GDPD1: variants seen among roughly 807,000 people sequenced by gnomAD.
The protein encoded by GDPD1 is glycerophosphodiester phosphodiesterase domain containing 1, also known as lysophospholipase D GDPD1.
In GDPD1, 28 loss-of-function variants were observed where a neutral mutation model predicts 45.1. The ratio of observed to expected loss-of-function variants is 0.62; its 90% CI spans 0.46 to 0.85. The LOEUF (loss-of-function observed/expected upper bound fraction) is 0.85, where lower values mean the gene tolerates loss of function less well. Ranked by LOEUF, GDPD1 falls within the 40% of genes least tolerant of loss-of-function variation. GDPD1 has a pLI of 0.00. For synonymous variants in GDPD1, 139 were observed against 131.4 expected (o/e 1.06, Z -0.40); for missense variants, 256 against 364.8 (o/e 0.70, Z 2.43).
At position 59,271,618 on chromosome 17, in the gene GDPD1, A is replaced by AT. The variant is rs886125503; in HGVS notation, c.770+627dup. ...ACGCCTTTTCTTCTTATTTTATTTT[A>AT]TTTTATTTTATTTTATTTTATTTAT... is the stretch of plus-strand genomic sequence containing the variant. On this transcript the variant is annotated intron_variant, in intron 8 of 9. Coordinates refer to ENST00000284116, the MANE Select transcript of GDPD1 (RefSeq NM_182569.4). Among the ~76,000 whole-genome samples, 102 of 150,360 alleles carry AT rather than the reference A, an allele frequency of 6.8e-4. 2 individuals are homozygous for AT. In the East Asian group the frequency reaches 0.019, roughly 28 times the overall value.
Position 59,234,503 on chromosome 17 carries a change from A to G in GDPD1, c.154A>G (p.Asn52Asp), listed in dbSNP as rs2047116820. Reference protein sequence around the residue: ...HISHRGGAGENLENTMAAFQH... With the variant: ...HISHRGGAGEDLENTMAAFQH... ...TTAAATTTTCACAGGTGCTGGAGAA[A>G]ATTTGGAGAATACAATGGCAGCCTT... is the stretch of plus-strand genomic sequence containing the variant. The change falls in exon 2 of 10, where the codon AAT (asparagine) becomes GAT (aspartate). Residue 52 changes from asparagine (N) to aspartate (D), a missense_variant. Coordinates refer to ENST00000284116, the MANE Select transcript of GDPD1 (RefSeq NM_182569.4). 6.3e-7 allele frequency: 1 copy of G among 1,600,000 alleles called. No individual in the cohort carries two copies. The highest frequency in any genetic ancestry group is 8.6e-7 in the Non-Finnish European group (1 of 1,168,598).
rs967015127 is a variant in GDPD1 at position 59,273,926 on chromosome 17, T to C, written c.*153T>C. 9.3e-6 allele frequency: 8 copies of C among 857,206 alleles called. No individual in the cohort carries two copies. Among genetic ancestry groups the C allele is most frequent in the Non-Finnish European group, 1.2e-5 (8 of 685,728 alleles). The allele number at this position is 857,206 out of a possible 1,614,324, so 53.1% of individuals were successfully genotyped here. Reference sequence around the variant, plus strand: ...AGCCTGTATGAGAATGTAGAAACTATATATTATATGTATATTTATTTTAAA... The same window carrying C: ...AGCCTGTATGAGAATGTAGAAACTACATATTATATGTATATTTATTTTAAA... On this transcript the variant is annotated 3_prime_UTR_variant, in exon 10 of 10. Coordinates refer to ENST00000284116, the MANE Select transcript of GDPD1 (RefSeq NM_182569.4).
chr17:59,238,745 C>T (rs2047154007), intron 2 of GDPD1, among the ~76,000 whole-genome samples: 1 of 152,118 alleles, frequency 6.6e-6, no homozygotes, highest in South Asian at 2.1e-4. Context: ...GGAATCTTTT[C>T]TTACTGATTT....
chr17:59,220,895 A>T, intron 1 of GDPD1, 144 bp downstream of exon 1: 1 of 949,290 alleles, frequency 1.1e-6, no homozygotes, highest in South Asian at 1.6e-5. Flanking sequence ...CCGGAGGTGA[A>T]GGCTGTGTGA....
intron 4 of GDPD1, among the ~76,000 whole-genome samples, chr17:59,255,757 AAAAAAAT>A (rs1181473068): frequency 3.5e-5 from 3 of 85,526 alleles, no homozygotes; most frequent in African/African-American, 1.5e-4. Flanking sequence ...AAAAAAAAAA[AAAAAAAT>A]ATATATATAT....
In GDPD1 at chr17:59,257,129, G is replaced by C. The variant is rs149018765; in HGVS notation, c.375G>C (p.Gln125His). The C allele has an allele frequency of 5.1e-6, 8 of 1,569,542 alleles. No homozygotes were observed. The highest frequency in any genetic ancestry group is 6.1e-6 in the Non-Finnish European group (7 of 1,148,592). The change falls in exon 5 of 10, where the codon CAG (glutamine) becomes CAC (histidine). Residue 125 changes from glutamine (Q) to histidine (H), a missense_variant. Transcript: ENST00000284116. ...KLDVSFQRAC[Q>H]CEGKDNRIPL... ...AAAATCTTGCTTTCTCAGCATGCCA[G>C]TGTGAAGGAAAAGATAACCGAATTC...
chr17:59,248,511 A>T (rs1315508931), intron 3 of GDPD1, among the ~76,000 whole-genome samples: 1 of 151,974 alleles, frequency 6.6e-6, no homozygotes, highest in Non-Finnish European at 1.5e-5. Flanking sequence ...AAATCTTTGT[A>T]TATTATTGTG....
chr17:59,256,089 C>A (rs998150836), intron 4 of GDPD1, among the ~76,000 whole-genome samples: 3 of 151,504 alleles, frequency 2.0e-5, no homozygotes, highest in African/African-American at 7.3e-5. Context: ...GAGGCCGAGG[C>A]GGGCAGATCA....
intron 1 of GDPD1, among the ~76,000 whole-genome samples, chr17:59,224,269 C>T (rs998344474): frequency 6.6e-6 from 1 of 152,082 alleles, no homozygotes; most frequent in Non-Finnish European, 1.5e-5. Flanking sequence ...GAAGTGATTA[C>T]TCATATGGTT....
At chr17:59,263,849 C>T (rs1367156830) in intron 6 of GDPD1, among the ~76,000 whole-genome samples, 1 of 151,128 alleles carries the variant, frequency 6.6e-6, no homozygotes, top group Non-Finnish European at 1.5e-5. Flanking sequence ...AGATGTAAAC[C>T]CAAAATATAA....
chr17:59,239,762 GTT>G (rs57499633), intron 2 of GDPD1, among the ~76,000 whole-genome samples: 81 of 142,776 alleles, frequency 5.7e-4, no homozygotes, highest in African/African-American at 1.1e-3. Context: ...AATATGTATA[GTT>G]TTTTTTTTTT....
rs1174793244 is a variant in GDPD1 at position 59,245,561 on chromosome 17, T to C, written c.321+12T>C. The stretch of plus-strand genomic sequence containing the variant: ...ATCTCAAATACTGTGTAAGTAAAAA[T>C]GCATGATAAACTAATATCTAATAGA... On this transcript the variant is annotated intron_variant, in intron 3 of 9. Coordinates refer to ENST00000284116, the MANE Select transcript of GDPD1 (RefSeq NM_182569.4). The C allele has an allele frequency of 6.3e-7, 1 of 1,592,312 alleles. No individual in the cohort carries two copies. The highest frequency in any genetic ancestry group is 8.5e-7 in the Non-Finnish European group (1 of 1,170,398).
intron 2 of GDPD1, among the ~76,000 whole-genome samples, chr17:59,239,547 C>T (rs189205227): frequency 4.6e-5 from 7 of 152,136 alleles, no homozygotes; most frequent in Admixed American, 2.0e-4. Context: ...TAGCTATTTA[C>T]ATATCAAATT....
At chr17:59,229,404 T>C (rs1043232947) in intron 1 of GDPD1, among the ~76,000 whole-genome samples, 4 of 151,760 alleles carry the variant, frequency 2.6e-5, no homozygotes, top group Non-Finnish European at 5.9e-5. Context: ...TTTGTATTTT[T>C]AGTAGAGATG....
At chr17:59,267,259 TGAA>T (rs1422791552) in intron 7 of GDPD1, 85 bp downstream of exon 7, 1 of 1,221,414 alleles carries the variant, frequency 8.2e-7, no homozygotes, top group Admixed American at 2.0e-5. Flanking sequence ...ATATCAATGA[TGAA>T]GAAGAGATTT....
chr17:59,270,639 G>A (rs1401622668), intron 7 of GDPD1, among the ~76,000 whole-genome samples: 2 of 152,060 alleles, frequency 1.3e-5, no homozygotes, highest in African/African-American at 2.4e-5. Flanking sequence ...AAAAAGAAAC[G>A]AGATATGAGC....
intron 6 of GDPD1, among the ~76,000 whole-genome samples, chr17:59,259,195 C>T (rs1260121180): frequency 2.0e-5 from 3 of 151,072 alleles, no homozygotes; most frequent in African/African-American, 4.9e-5. Flanking sequence ...TTTGGGAGGC[C>T]GAGGCAGGCG....
intron 2 of GDPD1, among the ~76,000 whole-genome samples, chr17:59,237,257 C>T (rs568573818): frequency 1.3e-5 from 2 of 152,040 alleles, no homozygotes; most frequent in Admixed American, 1.3e-4. Context: ...AAAAAATTAA[C>T]CGGGCGTGGT....
intron 8 of GDPD1, 69 bp downstream of exon 8, chr17:59,271,064 ATGT>A (rs2047440608): frequency 5.4e-6 from 5 of 920,392 alleles, no homozygotes; most frequent in Admixed American, 4.4e-5. Flanking sequence ...TACCCTTAAA[ATGT>A]TGTGCAAGCT....
Sources: gnomAD v4.1 joint callset for allele counts (sites outside exome capture counted in the v4.1 genomes callset) on GRCh38, gnomAD v4.1.1 for gene constraint, MANE v1.5 for transcripts, NCBI Gene and HGNC (gene_info 2026-07-23, HGNC 2026-07-21) for gene names.